The following DIP2A variants were observed in gnomAD, a reference collection of about 807,000 sequenced individuals.
DIP2A encodes the protein DIP2 acetate--CoA ligase A.
Under a neutral mutation model 177.4 loss-of-function variants are expected in DIP2A, and 85 were observed. The observed-to-expected ratio is 0.48, with a 90% CI of 0.40 to 0.57. The LOEUF (loss-of-function observed/expected upper bound fraction) is 0.57, where lower values mean the gene tolerates loss of function less well. Among genes scored for constraint, DIP2A ranks in the 20% least tolerant of loss-of-function variants. DIP2A has a pLI of 0.00. For missense variants in DIP2A, 1,791 were observed against 2,100.2 expected (o/e 0.85, Z 2.88); for synonymous variants, 886 against 881.8 (o/e 1.00, Z -0.08).
chr21:46,579,611 A>G, the DIP2A span, among the ~76,000 whole-genome samples: 7,830 of 152,246 alleles, frequency 0.051, 287 homozygotes, highest in Non-Finnish European at 0.076. Context: ...TTTTCCTCTT[A>G]ATGCTGCTTT....
In DIP2A at chr21:46,537,913, C is replaced by G. The variant is rs1328791898; in HGVS notation, c.1801+374C>G. 1.3e-5 allele frequency among the ~76,000 whole-genome samples: 2 copies of G among 152,206 alleles called. No individual in the cohort carries two copies. The highest frequency in any genetic ancestry group is 2.9e-5 in the Non-Finnish European group (2 of 68,040). On this transcript the variant is annotated intron_variant, in intron 15 of 37. Coordinates refer to ENST00000417564, the MANE Select transcript of DIP2A (RefSeq NM_015151.4). The surrounding 1 kb of genome is among the most constrained non-coding windows in gnomAD (Gnocchi z 4.1). Reference sequence around the variant, plus strand: ...GGCACTTCTACCAGCCACTGAGGCACTGGATCACCTGGGTCACCCATGTTG... The same window carrying G: ...GGCACTTCTACCAGCCACTGAGGCAGTGGATCACCTGGGTCACCCATGTTG...
chr21:46,554,788 C>CCCCCCCCCCCCCCCCCCCCCCCCCCCCA, intron 27 of DIP2A, 34 bp from the exon 28 acceptor site: 1 of 487,950 alleles, frequency 2.0e-6, no homozygotes, highest in Non-Finnish European at 3.9e-6. Context: ...CTTGAGAGGC[C>CCCCCCCCCCCCCCCCCCCCCCCCCCCCA]CCGCCCACCC....
chr21:46,478,118 T>C (rs1311237911), intron 1 of DIP2A, among the ~76,000 whole-genome samples: 1 of 152,212 alleles, frequency 6.6e-6, no homozygotes, highest in African/African-American at 2.4e-5. Context: ...TAATTTTATT[T>C]TGTTTTTCAA....
intron 1 of DIP2A, among the ~76,000 whole-genome samples, chr21:46,459,611 G>C (rs1402543510): frequency 1.5e-5 from 2 of 135,608 alleles, no homozygotes; most frequent in South Asian, 2.5e-4. Flanking sequence ...CACCCTGGGA[G>C]CCCCGCGCTG....
In DIP2A at chr21:46,538,505, G is replaced by A. The variant is rs1425710399; in HGVS notation, c.1824G>A (p.Ser608=). The change falls in exon 16 of 38, where the codon TCG becomes TCA. Residue 608 remains serine (S), a synonymous_variant. Coordinates refer to ENST00000417564, the MANE Select transcript of DIP2A (RefSeq NM_015151.4). ...FYKARAALVK[S]RDMHWSLLAQ... ...CAGCTCGGGCCGCGCTGGTGAAGTC[G>A]CGAGACATGCACTGGTCTCTCCTAG... 15 of 1,550,970 alleles carry A rather than the reference G, an allele frequency of 9.7e-6. No homozygotes were observed. Among genetic ancestry groups the A allele is most frequent in the East Asian group, 4.9e-5 (2 of 41,224 alleles).
chr21:46,533,519 T>C lies in DIP2A; in HGVS notation c.1306-5T>C. 2 of 1,612,776 alleles carry C rather than the reference T, an allele frequency of 1.2e-6. No individual in the cohort carries two copies. The highest frequency in any genetic ancestry group is 1.7e-6 in the Non-Finnish European group (2 of 1,179,360). On this transcript the variant is annotated splice_region_variant and splice_polypyrimidine_tract_variant and intron_variant, in intron 10 of 37. Transcript: ENST00000417564. ...CACCCCACACGGTCACTCTGCTTTC[T>C]GCAGGATGCAGGCAGCCAGCAGGTT...
intron 2 of DIP2A, among the ~76,000 whole-genome samples, chr21:46,487,475 T>C (rs1223411297): frequency 6.6e-6 from 1 of 152,180 alleles, no homozygotes; most frequent in Non-Finnish European, 1.5e-5. Flanking sequence ...TATTACACAT[T>C]ATTTGGGTGG....
In DIP2A at chr21:46,537,405, G is replaced by A. The variant is rs1321357562; in HGVS notation, c.1708-41G>A. On this transcript the variant is annotated intron_variant, in intron 14 of 37. Coordinates refer to ENST00000417564, the MANE Select transcript of DIP2A (RefSeq NM_015151.4). The surrounding 1 kb of genome is among the most constrained non-coding windows in gnomAD (Gnocchi z 4.1). ...GTTTTGTTTTGCTTTTTCTGGTGTG[G>A]CTCGGGCCCACTCGCCCTAAGCATG... 4 of 1,611,604 alleles carry A rather than the reference G, an allele frequency of 2.5e-6. No individual in the cohort carries two copies. The highest frequency in any genetic ancestry group is 3.4e-6 in the Non-Finnish European group (4 of 1,178,056).
intron 2 of DIP2A, among the ~76,000 whole-genome samples, chr21:46,486,726 T>C (rs1184123140): frequency 6.6e-6 from 1 of 152,218 alleles, no homozygotes; most frequent in Non-Finnish European, 1.5e-5. Context: ...AGGCAGCTAG[T>C]ATTACATAGT....
intron 7 of DIP2A, among the ~76,000 whole-genome samples, 152 bp from the exon 8 acceptor site, chr21:46,511,265 C>T (rs954386391): frequency 5.9e-5 from 9 of 152,154 alleles, no homozygotes; most frequent in African/African-American, 1.7e-4. Flanking sequence ...GGTTAGTTGT[C>T]GGTGACTGTG....
At position 46,551,411 on chromosome 21, in the gene DIP2A, G is replaced by C. The variant is rs142621699; in HGVS notation, c.2840-223G>C. On this transcript the variant is annotated intron_variant, in intron 23 of 37. Transcript: ENST00000417564. ...CAAATCGTATCCTCTGAGATGCGTC[G>C]TGTAGTAAACTTCTCAATAAGGCGT... Among the ~76,000 whole-genome samples, 180 of 152,286 alleles carry C rather than the reference G, an allele frequency of 1.2e-3. 1 individual carries two copies. Among genetic ancestry groups the C allele is most frequent in the Non-Finnish European group, 1.9e-3 (132 of 68,022 alleles).
At chr21:46,546,808 A>C in intron 20 of DIP2A, 107 bp from the exon 21 acceptor site, 1 of 1,326,722 alleles carries the variant, frequency 7.5e-7, no homozygotes, top group Non-Finnish European at 1.0e-6. Context: ...GCAAGGCGCT[A>C]GAGGCTCCTG....
In DIP2A at chr21:46,545,117, A is replaced by G; in HGVS notation, c.2177-20A>G. ...TTTAAACACGTTCTTGATAATTTTG[A>G]GTTTTTTTTCTCATTTTAGCTAATG... On this transcript the variant is annotated intron_variant, in intron 18 of 37. Coordinates refer to ENST00000417564, the MANE Select transcript of DIP2A (RefSeq NM_015151.4). 3 of 1,570,060 alleles carry G rather than the reference A, an allele frequency of 1.9e-6. No homozygotes were observed. The highest frequency in any genetic ancestry group is 2.6e-6 in the Non-Finnish European group (3 of 1,151,038).
intron 32 of DIP2A, 109 bp from the exon 33 acceptor site, chr21:46,560,613 C>T (rs1293661124): frequency 1.4e-6 from 2 of 1,465,920 alleles, no homozygotes; most frequent in African/African-American, 2.8e-5. Context: ...CTGCTACCTT[C>T]TTGGGTGTCC....
In DIP2A at chr21:46,537,152, A is replaced by G; in HGVS notation, c.1643-72A>G. 6.6e-7 allele frequency: 1 copy of G among 1,521,204 alleles called. No homozygotes were observed. Among genetic ancestry groups the G allele is most frequent in the Admixed American group, 1.7e-5 (1 of 59,882 alleles). The allele number at this position is 1,521,204 out of a possible 1,614,324, so 94.2% of individuals were successfully genotyped here. A position where few individuals can be genotyped will look rare whatever the true frequency, so the allele number is the denominator to read the frequency against. On this transcript the variant is annotated intron_variant, in intron 13 of 37. Coordinates refer to ENST00000417564, the MANE Select transcript of DIP2A (RefSeq NM_015151.4). This position sits in a 1 kb window ranked among gnomAD's most constrained non-coding sequence, Gnocchi z 4.1. ...ATGTTGATGACGTACTCACCTCAGA[A>G]TTTCTCTAGAAAATGCATAGGGCTT...
Position 46,556,181 on chromosome 21 carries a change from G to T in DIP2A, c.3498+90G>T. ...GTCAGATGCAGATTTAAACTGACAG[G>T]TCCTTCTTATGCAAAGCACAAAGCA... On this transcript the variant is annotated intron_variant, in intron 29 of 37. Coordinates refer to ENST00000417564, the MANE Select transcript of DIP2A (RefSeq NM_015151.4). The surrounding 1 kb of genome is among the most constrained non-coding windows in gnomAD (Gnocchi z 4.5). 7.1e-7 allele frequency: 1 copy of T among 1,409,520 alleles called. No individual in the cohort carries two copies. Among genetic ancestry groups the T allele is most frequent in the Non-Finnish European group, 1.0e-6 (1 of 1,001,110 alleles). The allele number at this position is 1,409,520 out of a possible 1,614,324, so 87.3% of individuals were successfully genotyped here.
At chr21:46,475,397 T>C (rs2055758472) in intron 1 of DIP2A, among the ~76,000 whole-genome samples, 1 of 152,242 alleles carries the variant, frequency 6.6e-6, no homozygotes, top group Non-Finnish European at 1.5e-5. Flanking sequence ...TCTACCTGTA[T>C]GTCCTGAATG....
intron 1 of DIP2A, among the ~76,000 whole-genome samples, chr21:46,468,519 T>C (rs961813638): frequency 1.3e-4 from 20 of 151,758 alleles, no homozygotes; most frequent in African/African-American, 4.8e-4. Flanking sequence ...GAGAGTAGAA[T>C]GGTGGTTGCC....
At chr21:46,575,135 CAAT>C in the DIP2A span, among the ~76,000 whole-genome samples, 1 of 151,896 alleles carries the variant, frequency 6.6e-6, no homozygotes, top group Non-Finnish European at 1.5e-5. Context: ...ATAAAACAAT[CAAT>C]GTAATAAACC....
Sources: allele counts gnomAD v4.1 joint callset (sites outside exome capture counted in the v4.1 genomes callset), GRCh38; gene constraint gnomAD v4.1.1; non-coding constraint Gnocchi (gnomAD v3.1); transcripts MANE v1.5; gene names NCBI Gene and HGNC (gene_info 2026-07-23, HGNC 2026-07-21).